Variants in KIF16B observed in about 807,000 individuals in gnomAD.
KIF16B encodes kinesin family member 16B, also known as kinesin-like protein KIF16B.
In KIF16B, 98 loss-of-function variants were observed where a neutral mutation model predicts 156.3. That is an observed-to-expected ratio of 0.63 (90% CI 0.53 to 0.74). KIF16B has a LOEUF of 0.74. Ranked by LOEUF, KIF16B falls within the 30% of genes least tolerant of loss-of-function variation. KIF16B has a pLI of 0.00. For missense variants in KIF16B, 1,421 were observed against 1,606.5 expected (o/e 0.88, Z 1.97); for synonymous variants, 564 against 583.7 (o/e 0.97, Z 0.49).
intron 6 of KIF16B, 76 bp downstream of exon 6, chr20:16,511,342 G>C (rs1428783591): frequency 1.3e-6 from 1 of 783,906 alleles, no homozygotes; most frequent in East Asian, 2.6e-5. Flanking sequence ...TCACCATTAT[G>C]CTATATTTTT....
chr20:16,288,782 A>G (rs6111015), intron 25 of KIF16B, among the ~76,000 whole-genome samples: 13,952 of 85,996 alleles, frequency 0.16, 10 homozygotes, highest in Non-Finnish European at 0.19. Flanking sequence ...GCATCTGTAT[A>G]GTATGTACCT....
Position 16,427,135 on chromosome 20 carries a change from A to C in KIF16B, c.1581T>G (p.Val527=), listed in dbSNP as rs767633172. Residue 527 remains valine (V), a synonymous_variant, in exon 15 of 26, where the codon GTT becomes GTG. Coordinates refer to ENST00000354981, the MANE Select transcript of KIF16B (RefSeq NM_024704.5). ...LSGSQCSVNG[V]QIVEATHLNQ... ...TTAGATGTGTGGCCTCCACGATCTG[A>C]ACACCATTCACAGAGCACTGGGACC... is the stretch of plus-strand genomic sequence containing the variant. 2 of 1,611,400 alleles carry C rather than the reference A, an allele frequency of 1.2e-6. No individual in the cohort carries two copies. The highest frequency in any genetic ancestry group is 8.5e-7 in the Non-Finnish European group (1 of 1,178,590).
chr20:16,573,301 G>T lies in KIF16B; in HGVS notation c.-26C>A. ...CGCTCATCCCGAACCAGCCCGCGCGGGGTCCCACTAGCCCAGAACTCCGCG... is the reference window on the plus strand; with the variant it reads ...CGCTCATCCCGAACCAGCCCGCGCGTGGTCCCACTAGCCCAGAACTCCGCG... On this transcript the variant is annotated 5_prime_UTR_variant, in exon 1 of 26. Transcript: ENST00000354981. 1 of 1,609,096 alleles carries T rather than the reference G, an allele frequency of 6.2e-7. No individual in the cohort carries two copies. The highest frequency in any genetic ancestry group is 8.5e-7 in the Non-Finnish European group (1 of 1,178,604).
chr20:16,368,803 T>C (rs1025476079), intron 22 of KIF16B: 19 of 985,872 alleles, frequency 1.9e-5, no homozygotes, highest in Non-Finnish European at 2.2e-5. Context: ...CCTGGCCTGC[T>C]TGCCTCCGCT....
At chr20:16,358,171 A>G (rs1915072866) in intron 22 of KIF16B, among the ~76,000 whole-genome samples, 1 of 152,204 alleles carries the variant, frequency 6.6e-6, no homozygotes. Context: ...CCTGGGCGAC[A>G]GAGCGAGACT....
intron 22 of KIF16B, among the ~76,000 whole-genome samples, chr20:16,361,003 G>A (rs1464436842): frequency 6.6e-6 from 1 of 152,150 alleles, no homozygotes; most frequent in African/African-American, 2.4e-5. Context: ...GTCAAATTCA[G>A]TATACACATC....
chr20:16,279,574 C>G (rs78500139), intron 25 of KIF16B, among the ~76,000 whole-genome samples: 2,880 of 152,282 alleles, frequency 0.019, 40 homozygotes, highest in Non-Finnish European at 0.032. Flanking sequence ...AGAACACAAT[C>G]AAGCTCCTCC....
chr20:16,503,607 T>C (rs189630948), intron 10 of KIF16B, among the ~76,000 whole-genome samples: 1 of 152,336 alleles, frequency 6.6e-6, no homozygotes, highest in Non-Finnish European at 1.5e-5. Context: ...CATCCATTCA[T>C]GAGTTAAGAA....
intron 2 of KIF16B, among the ~76,000 whole-genome samples, chr20:16,527,547 G>A (rs553334214): frequency 6.6e-6 from 1 of 152,274 alleles, no homozygotes; most frequent in East Asian, 1.9e-4. Flanking sequence ...AACCCATAAA[G>A]TACTTCATTT....
At chr20:16,307,199 G>C (rs2063553610) in intron 25 of KIF16B, among the ~76,000 whole-genome samples, 1 of 152,038 alleles carries the variant, frequency 6.6e-6, no homozygotes, top group Admixed American at 6.6e-5. Flanking sequence ...GGTTTTAGAG[G>C]ATTTCATTTT....
intron 24 of KIF16B, among the ~76,000 whole-genome samples, chr20:16,326,648 A>G (rs2063855295): frequency 6.6e-6 from 1 of 152,080 alleles, no homozygotes; most frequent in African/African-American, 2.4e-5. Context: ...AAGGATGGCC[A>G]TAATTTAAAA....
At chr20:16,373,918 A>T (rs1171398369) in intron 20 of KIF16B, among the ~76,000 whole-genome samples, 1 of 152,222 alleles carries the variant, frequency 6.6e-6, no homozygotes, top group African/African-American at 2.4e-5. Flanking sequence ...TTCTAACCGC[A>T]GGTTCCAGAG....
intron 4 of KIF16B, among the ~76,000 whole-genome samples, chr20:16,515,102 C>A (rs1430848973): frequency 6.6e-6 from 1 of 151,672 alleles, no homozygotes; most frequent in South Asian, 2.1e-4. Flanking sequence ...ATAATTCTAA[C>A]TTTTTAATGT....
At chr20:16,501,485 C>A (rs1171572149) in intron 10 of KIF16B, among the ~76,000 whole-genome samples, 2 of 151,736 alleles carry the variant, frequency 1.3e-5, no homozygotes, top group Non-Finnish European at 2.9e-5. Context: ...TCTGACTCAC[C>A]AATTCCACTT....
In KIF16B at chr20:16,511,472, T is replaced by G. The variant is rs1322489935; in HGVS notation, c.502A>C (p.Lys168Gln). ...VRDLLRRKSSKTFNLRVREHP... is the reference protein window; with the variant it reads ...VRDLLRRKSSQTFNLRVREHP... Reference sequence around the variant, plus strand: ...TCACGGACTCTCAAATTGAAGGTTTTAGATGACTTCCGCCGAAGTAGATCT... The same window carrying G: ...TCACGGACTCTCAAATTGAAGGTTTGAGATGACTTCCGCCGAAGTAGATCT... Residue 168 changes from lysine to glutamine, a missense_variant, in exon 6 of 26, where the codon AAA (lysine) becomes CAA (glutamine). Physicochemically the swap from Lys to Gln is moderately conservative, Grantham distance 53 (BLOSUM62 1). Coordinates refer to ENST00000354981, the MANE Select transcript of KIF16B (RefSeq NM_024704.5). The G allele has an allele frequency of 1.9e-6, 3 of 1,613,074 alleles. No homozygotes were observed. The highest frequency in any genetic ancestry group is 2.5e-6 in the Non-Finnish European group (3 of 1,179,448).
At chr20:16,519,850 T>C (rs1159416530) in intron 3 of KIF16B, among the ~76,000 whole-genome samples, 1 of 152,174 alleles carries the variant, frequency 6.6e-6, no homozygotes, top group Non-Finnish European at 1.5e-5. Flanking sequence ...GGTTAGACAG[T>C]GGGTGTAGCC....
chr20:16,397,678 G>T (rs764207439), intron 17 of KIF16B, among the ~76,000 whole-genome samples: 20 of 152,194 alleles, frequency 1.3e-4, no homozygotes, highest in Admixed American at 5.9e-4. Context: ...CAATTTTTCA[G>T]TCAATTGCAA....
intron 23 of KIF16B, among the ~76,000 whole-genome samples, chr20:16,336,929 A>T (rs1156420043): frequency 6.6e-6 from 1 of 152,186 alleles, no homozygotes. Flanking sequence ...CTGCAAGAGC[A>T]TCTCCCAACT....
chr20:16,412,489 T>C (rs2065982596), intron 15 of KIF16B, among the ~76,000 whole-genome samples: 1 of 152,026 alleles, frequency 6.6e-6, no homozygotes, highest in African/African-American at 2.4e-5. Flanking sequence ...ATTTATAAAG[T>C]AAAGAGATGT....
Sources: allele counts gnomAD v4.1 joint callset (sites outside exome capture counted in the v4.1 genomes callset), GRCh38; gene constraint gnomAD v4.1.1; transcripts MANE v1.5; gene names NCBI Gene and HGNC (gene_info 2026-07-23, HGNC 2026-07-21).